The following ZNF732 variants were observed in gnomAD, a reference collection of about 807,000 sequenced individuals.
ZNF732 encodes the protein zinc finger protein 732.
ZNF732 carries 12 observed loss-of-function variants against 11.5 expected under a neutral mutation model. The ratio of observed to expected loss-of-function variants is 1.05; its 90% confidence interval spans 0.67 to 1.70. The LOEUF is 1.70. Among genes scored for constraint, ZNF732 ranks in the 40% most tolerant of loss-of-function variants. The probability of loss-of-function intolerance (pLI) is 0.00; values close to 1 mark genes in which losing one functional copy is unlikely to be tolerated. For synonymous variants in ZNF732, 231 were observed against 236.5 expected, an observed-to-expected ratio of 0.98 and a Z score of 0.21; for missense variants, 702 against 676.9, an observed-to-expected ratio of 1.04 and a Z score of -0.41.
At chr4:287,525 T>C (rs1187667115) in intron 3 of ZNF732, among the ~76,000 whole-genome samples, 1 of 152,104 alleles carries the variant, frequency 6.6e-6, no homozygotes, top group Non-Finnish European at 1.5e-5. Flanking sequence ...AACACACTCT[T>C]GAACATACTC....
rs1227315857 is a variant in ZNF732, at chr4:293,025, G to A, written c.226+2413C>T. On this transcript the variant is annotated intron_variant, in intron 3 of 3. Transcript: ENST00000419098. ...GGAGGTTGCAGTGAGCCGAGATCGC[G>A]CCACTGCACTCCAGCCTGGGCAACA... Among the ~76,000 whole-genome samples the A allele has an allele frequency of 4.2e-4, 52 of 123,652 alleles. 1 individual carries two copies. In the Admixed American group the frequency reaches 5.2e-3, roughly 12 times the overall value. The allele number at this position is 123,652 out of a possible 152,430, so 81.1% of individuals were successfully genotyped here. A position where few individuals can be genotyped will look rare whatever the true frequency, so the allele number is the denominator to read the frequency against.
At chr4:292,209 T>C (rs1013596171) in intron 3 of ZNF732, among the ~76,000 whole-genome samples, 9 of 152,144 alleles carry the variant, frequency 5.9e-5, no homozygotes, top group African/African-American at 1.7e-4. Flanking sequence ...ACAAGTGGGA[T>C]TGTATCAAAG....
chr4:300,141 G>C (rs947700294), intron 1 of ZNF732, among the ~76,000 whole-genome samples: 1 of 151,506 alleles, frequency 6.6e-6, no homozygotes. Flanking sequence ...GGGTTATAGT[G>C]TCAAGTATGA....
intron 1 of ZNF732, among the ~76,000 whole-genome samples, chr4:304,917 C>T (rs1720198196): frequency 6.6e-6 from 1 of 152,246 alleles, no homozygotes; most frequent in South Asian, 2.1e-4. Context: ...AATTAGTCCC[C>T]ATTTGCTCAC....
chr4:277,356 A>G (rs1719519470), intron 3 of ZNF732, among the ~76,000 whole-genome samples: 1 of 152,106 alleles, frequency 6.6e-6, no homozygotes, highest in Non-Finnish European at 1.5e-5. Flanking sequence ...GACGTAATCT[A>G]CACAATGAAA....
At chr4:295,989 T>A (rs782582481) in intron 2 of ZNF732, 40 bp downstream of exon 2, 2 of 1,596,900 alleles carry the variant, frequency 1.3e-6, no homozygotes, top group East Asian at 2.2e-5. Flanking sequence ...TAAAACTCCC[T>A]GAGGGAGTAT....
intron 3 of ZNF732, among the ~76,000 whole-genome samples, chr4:274,893 G>A (rs550840816): frequency 2.0e-5 from 3 of 151,688 alleles, no homozygotes; most frequent in South Asian, 2.1e-4. Flanking sequence ...CCCCCACATT[G>A]AGTTCCAAAT....
chr4:281,296 T>C (rs1393349067), intron 3 of ZNF732, among the ~76,000 whole-genome samples: 1 of 152,188 alleles, frequency 6.6e-6, no homozygotes, highest in Non-Finnish European at 1.5e-5. Flanking sequence ...CTCAGCTGTG[T>C]ATCCTGAAGC....
intron 1 of ZNF732, among the ~76,000 whole-genome samples, chr4:298,356 C>T (rs1553842788): frequency 6.6e-6 from 1 of 151,824 alleles, no homozygotes; most frequent in African/African-American, 2.4e-5. Context: ...TCTAATGGAC[C>T]ATATGAAATA....
intron 3 of ZNF732, among the ~76,000 whole-genome samples, chr4:288,244 T>A (rs956901243): frequency 2.0e-5 from 3 of 152,250 alleles, no homozygotes; most frequent in Admixed American, 6.5e-5. Flanking sequence ...GAGATAAATT[T>A]AATGTAGTCT....
At position 304,898 on chromosome 4, in the gene ZNF732, T is replaced by C. The variant is rs556826491; in HGVS notation, c.3+410A>G. Reference sequence around the variant, plus strand: ...CCAAACCACAAGCCATGCCCGGGGCTGTCCCATTAATTAGTCCCCATTTGC... The same window carrying C: ...CCAAACCACAAGCCATGCCCGGGGCCGTCCCATTAATTAGTCCCCATTTGC... On this transcript the variant is annotated intron_variant, in intron 1 of 3. Coordinates refer to ENST00000419098, the MANE Select transcript of ZNF732 (RefSeq NM_001137608.3). 3.1e-4 allele frequency among the ~76,000 whole-genome samples: 47 copies of C among 152,378 alleles called. No homozygotes were observed. The South Asian group carries it at 5.0e-3, about 16-fold the overall frequency.
At chr4:290,252 G>C (rs1272841189) in intron 3 of ZNF732, among the ~76,000 whole-genome samples, 1 of 152,166 alleles carries the variant, frequency 6.6e-6, no homozygotes, top group Admixed American at 6.5e-5. Context: ...CCCTCACCAG[G>C]TGGCCAACTC....
At chr4:276,012 A>T (rs1222104879) in intron 3 of ZNF732, among the ~76,000 whole-genome samples, 2 of 151,810 alleles carry the variant, frequency 1.3e-5, no homozygotes, top group Non-Finnish European at 3.0e-5. Flanking sequence ...ATTTAAAAAT[A>T]TATAAGATTT....
intron 1 of ZNF732, among the ~76,000 whole-genome samples, chr4:300,621 GATAA>G (rs1720097589): frequency 6.6e-6 from 1 of 152,068 alleles, no homozygotes; most frequent in Non-Finnish European, 1.5e-5. Flanking sequence ...GTATTTCTCA[GATAA>G]AAGTTCTGTG....
intron 1 of ZNF732, among the ~76,000 whole-genome samples, chr4:301,461 A>G (rs1720116581): frequency 6.6e-6 from 1 of 152,244 alleles, no homozygotes; most frequent in Non-Finnish European, 1.5e-5. Flanking sequence ...AAGACTTGGA[A>G]CCAACCAAAA....
At position 285,008 on chromosome 4, in the gene ZNF732, C is replaced by T. The variant is rs534436108; in HGVS notation, c.226+10430G>A. On this transcript the variant is annotated intron_variant, in intron 3 of 3. Transcript: ENST00000419098. ...AGAAAAGGAAGGAGTAAATACTTTT[C>T]CTTTTTTCCAGCTGGAGGATTAAGT... 5.9e-5 allele frequency among the ~76,000 whole-genome samples: 9 copies of T among 152,038 alleles called. No individual in the cohort carries two copies. The South Asian group carries it at 1.9e-3, about 32-fold the overall frequency.
chr4:272,035 T>C lies in ZNF732; in HGVS notation c.822A>G (p.Glu274=). 6.2e-7 allele frequency: 1 copy of C among 1,610,630 alleles called. No individual in the cohort carries two copies. The highest frequency in any genetic ancestry group is 8.5e-7 in the Non-Finnish European group (1 of 1,178,222). ...ATTCTTCACATGTGAAGGGTTTCTCTTCAGCATGAATTCTCTTATGCTTAG... is the reference window on the plus strand; with the variant it reads ...ATTCTTCACATGTGAAGGGTTTCTCCTCAGCATGAATTCTCTTATGCTTAG... ...TLTKHKRIHA[E]EKPFTCEECG... is the part of the protein sequence containing the mutation. The change falls in exon 4 of 4, where the codon GAA becomes GAG. Residue 274 remains glutamate, a synonymous_variant. Coordinates refer to ENST00000419098, the MANE Select transcript of ZNF732 (RefSeq NM_001137608.3).
chr4:291,775 A>G (rs1553841372), intron 3 of ZNF732, among the ~76,000 whole-genome samples: 5 of 152,226 alleles, frequency 3.3e-5, no homozygotes, highest in African/African-American at 1.2e-4. Flanking sequence ...CCATCTTGAG[A>G]AAGAACAAAG....
intron 3 of ZNF732, among the ~76,000 whole-genome samples, chr4:273,855 G>C (rs1434395489): frequency 3.4e-5 from 5 of 148,080 alleles, no homozygotes; most frequent in Non-Finnish European, 7.5e-5. Flanking sequence ...TTGGGATATT[G>C]TTAAGGTGCT....
Sources: gnomAD v4.1 joint callset for allele counts (sites outside exome capture counted in the v4.1 genomes callset) on GRCh38, gnomAD v4.1.1 for gene constraint, MANE v1.5 for transcripts, NCBI Gene and HGNC (gene_info 2026-07-23, HGNC 2026-07-21) for gene names.